UBR7: variants seen among roughly 807,000 people sequenced by gnomAD.
UBR7 encodes the protein putative E3 ubiquitin-protein ligase UBR7.
UBR7 carries 22 observed loss-of-function variants against 57.0 expected under a neutral mutation model. The ratio of observed to expected loss-of-function variants is 0.39; its 90% confidence interval spans 0.28 to 0.55. The LOEUF (loss-of-function observed/expected upper bound fraction) is 0.55. Ranked by LOEUF, UBR7 falls within the 20% of genes least tolerant of loss-of-function variation. UBR7 has a pLI of 0.69. For missense variants in UBR7, 395 were observed against 513.2 expected (o/e 0.77, Z 2.23); for synonymous variants, 167 against 179.8 (o/e 0.93, Z 0.57).
In UBR7 at chr14:93,228,563, T is replaced by C. The variant is rs1329139407; in HGVS notation, c.*1528T>C. On this transcript the variant is annotated 3_prime_UTR_variant, in exon 11 of 11. Transcript: ENST00000013070. ...TGTTCTTCGGCACTCAGGCTCCTAA[T>C]TGCAGATCCTCACGAAGGGTGGTAT... 4.4e-6 allele frequency: 2 copies of C among 453,956 alleles called. No individual in the cohort carries two copies. The highest frequency in any genetic ancestry group is 8.8e-6 in the Non-Finnish European group (2 of 226,792). The allele number at this position is 453,956 out of a possible 1,614,324, so 28.1% of individuals were successfully genotyped here. A position where few individuals can be genotyped will look rare whatever the true frequency, so the allele number is the denominator to read the frequency against.
chr14:93,220,261 G>A lies in UBR7; in HGVS notation c.973G>A (p.Asp325Asn). The A allele has an allele frequency of 1.9e-6, 3 of 1,569,844 alleles. No homozygotes were observed. The highest frequency in any genetic ancestry group is 2.6e-6 in the Non-Finnish European group (3 of 1,151,774). Reference protein sequence around the residue: ...TCQDCMKMYGDLDVLFLTDEY... With the variant: ...TCQDCMKMYGNLDVLFLTDEY... ...TTTTTCCCTAAAGAAAATGTATGGAGATCTAGATGTCTTATTCCTGACAGA... is the reference window on the plus strand; with the variant it reads ...TTTTTCCCTAAAGAAAATGTATGGAAATCTAGATGTCTTATTCCTGACAGA... Residue 325 changes from aspartate (D) to asparagine (N), a missense_variant, in exon 9 of 11, where the codon GAT (aspartate) becomes AAT (asparagine). By Grantham distance (23) the Asp-to-Asn change is conservative. Transcript: ENST00000013070.
intron 10 of UBR7, among the ~76,000 whole-genome samples, chr14:93,225,437 G>C (rs1488268902): frequency 3.4e-5 from 5 of 149,136 alleles, no homozygotes; most frequent in African/African-American, 1.2e-4. Flanking sequence ...GACTAGCCTG[G>C]GCAAGATGAT....
chr14:93,226,845 T>G, intron 10 of UBR7, 98 bp from the exon 11 acceptor site: 1 of 777,164 alleles, frequency 1.3e-6, no homozygotes, highest in East Asian at 2.9e-5. Flanking sequence ...TTAACATAAT[T>G]CTTAACAGTA....
intron 7 of UBR7, among the ~76,000 whole-genome samples, 168 bp downstream of exon 7, chr14:93,218,903 A>G (rs1159369930): frequency 6.6e-6 from 1 of 152,026 alleles, no homozygotes; most frequent in Non-Finnish European, 1.5e-5. Flanking sequence ...AAAATTACAA[A>G]AACTAGCCAG....
intron 10 of UBR7, among the ~76,000 whole-genome samples, chr14:93,225,265 G>A (rs1023330777): frequency 1.3e-5 from 2 of 151,852 alleles, no homozygotes; most frequent in Non-Finnish European, 2.9e-5. Context: ...AGTTCTAGCT[G>A]TTCTTAGATG....
intron 10 of UBR7, among the ~76,000 whole-genome samples, chr14:93,222,742 C>CA (rs60856068): frequency 0.011 from 1,516 of 138,736 alleles, 21 homozygotes; most frequent in African/African-American, 0.037. Context: ...GACCCTATTT[C>CA]AAAAAAAAAA....
chr14:93,218,780 G>A, intron 7 of UBR7, 45 bp downstream of exon 7: 2 of 1,589,772 alleles, frequency 1.3e-6, no homozygotes, highest in Non-Finnish European at 1.7e-6. Flanking sequence ...ACTGGGCCAG[G>A]CGCGGTGGCT....
chr14:93,212,796 C>G (rs759916860), intron 4 of UBR7, among the ~76,000 whole-genome samples: 35 of 152,206 alleles, frequency 2.3e-4, no homozygotes, highest in Non-Finnish European at 7.3e-5. Context: ...CCTATAATTT[C>G]ATATGCCATA....
chr14:93,223,743 C>G, intron 10 of UBR7: 2 of 774,204 alleles, frequency 2.6e-6, no homozygotes, highest in Non-Finnish European at 4.5e-6. Flanking sequence ...CTGCGATCTC[C>G]TTCACCTTCA....
intron 2 of UBR7, 124 bp downstream of exon 2, chr14:93,210,081 AT>A (rs1355215735): frequency 2.2e-5 from 12 of 545,280 alleles, no homozygotes; most frequent in African/African-American, 9.7e-5. Flanking sequence ...TAATTAATTA[AT>A]TTATTTATTT....
intron 2 of UBR7, 43 bp from the exon 3 acceptor site, chr14:93,210,605 T>C (rs1409158698): frequency 6.6e-7 from 1 of 1,523,354 alleles, no homozygotes; most frequent in Admixed American, 1.9e-5. Flanking sequence ...AAATTGGATT[T>C]TGTAAAAAGA....
chr14:93,213,543 A>C (rs1894532678), intron 4 of UBR7, among the ~76,000 whole-genome samples: 1 of 152,122 alleles, frequency 6.6e-6, no homozygotes, highest in African/African-American at 2.4e-5. Context: ...TCCTGACCTC[A>C]TGATCCGCCT....
At chr14:93,222,163 T>C (rs1894722329) in intron 9 of UBR7, 150 bp from the exon 10 acceptor site, 1 of 646,194 alleles carries the variant, frequency 1.5e-6, no homozygotes, top group Non-Finnish European at 2.8e-6. Flanking sequence ...TACAGATAAT[T>C]TGGGAACGAG....
rs112511497 is a variant in UBR7, at chr14:93,208,621, C to T, written c.150+1180C>T. 4.2e-3 allele frequency among the ~76,000 whole-genome samples: 641 copies of T among 151,016 alleles called. 4 individuals carry two copies. The highest frequency in any genetic ancestry group is 5.6e-3 in the Non-Finnish European group (383 of 67,864). ...GTACACAGCTTGAAAGGAAAGTGTGCGTGTTCCCACAACCCAGATCAACAA... is the reference window on the plus strand; with the variant it reads ...GTACACAGCTTGAAAGGAAAGTGTGTGTGTTCCCACAACCCAGATCAACAA... On this transcript the variant is annotated intron_variant, in intron 1 of 10. Transcript: ENST00000013070.
rs903798160 is a variant in UBR7 at position 93,218,439 on chromosome 14, A to C, written c.602-88A>C. 8.1e-6 allele frequency: 9 copies of C among 1,109,424 alleles called. No homozygotes were observed. The African/African-American group carries it at 1.4e-4, about 17-fold the overall frequency. 68.7% of individuals were successfully genotyped at this position (1,109,424 alleles called of 1,614,324 possible). A position where few individuals can be genotyped will look rare whatever the true frequency, so the allele number is the denominator to read the frequency against. On this transcript the variant is annotated intron_variant, in intron 6 of 10. Coordinates refer to ENST00000013070, the MANE Select transcript of UBR7 (RefSeq NM_175748.4). ...AAAAAAAAAATAATAATAATAGAAT[A>C]AGTGATTTTATTGTCTGTTGGGATT...
chr14:93,212,941 C>G (rs1302452100), intron 4 of UBR7, among the ~76,000 whole-genome samples: 2 of 152,078 alleles, frequency 1.3e-5, no homozygotes. Flanking sequence ...TAGAATGGAT[C>G]GGTATAATTG....
At chr14:93,223,022 G>A (rs1894742997) in intron 10 of UBR7, among the ~76,000 whole-genome samples, 1 of 152,148 alleles carries the variant, frequency 6.6e-6, no homozygotes, top group Admixed American at 6.5e-5. Context: ...TCTTTGGGAC[G>A]GGGAGGGGAA....
In UBR7 at chr14:93,228,079, A is replaced by C; in HGVS notation, c.*1044A>C. The C allele has an allele frequency of 1.5e-6, 1 of 688,432 alleles. No homozygotes were observed. Among genetic ancestry groups the C allele is most frequent in the South Asian group, 1.5e-5 (1 of 66,586 alleles). The allele number at this position is 688,432 out of a possible 1,614,324, so 42.6% of individuals were successfully genotyped here. A position where few individuals can be genotyped will look rare whatever the true frequency, so the allele number is the denominator to read the frequency against. ...AGCAGGGCAGGGAGCCCTGTTTTGG[A>C]AGAGACAGACTGTGGAAGAGATTAC... On this transcript the variant is annotated 3_prime_UTR_variant, in exon 11 of 11. Coordinates refer to ENST00000013070, the MANE Select transcript of UBR7 (RefSeq NM_175748.4).
intron 10 of UBR7, among the ~76,000 whole-genome samples, chr14:93,224,624 A>C (rs568486956): frequency 6.6e-6 from 1 of 151,972 alleles, no homozygotes; most frequent in African/African-American, 2.4e-5. Flanking sequence ...TGATCCGCCC[A>C]CCTTGGCCTC....
Sources: allele counts gnomAD v4.1 joint callset (sites outside exome capture counted in the v4.1 genomes callset), GRCh38; gene constraint gnomAD v4.1.1; transcripts MANE v1.5; gene names NCBI Gene and HGNC (gene_info 2026-07-23, HGNC 2026-07-21).